Variants in EHD2 observed in about 807,000 individuals in gnomAD.
EHD2 encodes the protein EH domain-containing protein 2.
EHD2 carries 27 observed loss-of-function variants against 41.0 expected under a neutral mutation model. That is an observed-to-expected ratio of 0.66 (90% CI 0.49 to 0.91). The LOEUF is 0.91. EHD2 is among the 40% of genes least tolerant of loss of function. EHD2 has a pLI of 0.00. For missense variants in EHD2, 673 were observed against 773.9 expected (o/e 0.87, Z 1.55); for synonymous variants, 342 against 341.0 (o/e 1.00, Z -0.03).
chr19:47,731,288 A>ATATATGTATATATATATATATATATACC (rs985915844), intron 4 of EHD2: 1 of 92,342 alleles, frequency 1.1e-5, no homozygotes, highest in Non-Finnish European at 2.6e-5. Context: ...AAATATATAT[A>ATATATGTATATATATATATATATATACC]TATATATATA....
rs1204449268 is a variant in EHD2, at chr19:47,719,683, G to A, written c.502+1077G>A. On this transcript the variant is annotated intron_variant, in intron 3 of 5. Coordinates refer to ENST00000263277, the MANE Select transcript of EHD2 (RefSeq NM_014601.4). The surrounding 1 kb of genome is among the most constrained non-coding windows in gnomAD (Gnocchi z 4.1). ...ACCATGTCTCTGGCTGCCGTCCAGA[G>A]GCCCCACGGGAGAAAGGCAGGAGGC... 6.6e-6 allele frequency among the ~76,000 whole-genome samples: 1 copy of A among 152,164 alleles called. No homozygotes were observed. Among genetic ancestry groups the A allele is most frequent in the Non-Finnish European group, 1.5e-5 (1 of 68,004 alleles).
intron 2 of EHD2, among the ~76,000 whole-genome samples, chr19:47,718,286 A>AC (rs1274833039): frequency 6.6e-6 from 1 of 151,512 alleles, no homozygotes; most frequent in African/African-American, 2.4e-5. Context: ...AAAAAAAAAA[A>AC]AAAAAAAGAA....
At chr19:47,726,682 C>T (rs1973757003) in intron 4 of EHD2, among the ~76,000 whole-genome samples, 1 of 151,746 alleles carries the variant, frequency 6.6e-6, no homozygotes, top group African/African-American at 2.4e-5. Context: ...CCCTCTTCTT[C>T]CTTCTTTTTT....
chr19:47,716,068 C>CTTT lies in EHD2; in HGVS notation c.-55-471_-55-469dup, dbSNP rs60295874. On this transcript the variant is annotated intron_variant, in intron 1 of 5. Transcript: ENST00000263277. ...ACAGGCATGAGCCACTGTGCCTGGC[C>CTTT]TTTTTTTTTTTTTTTTTTTTTGAGA... Among the ~76,000 whole-genome samples, 21 of 100,020 alleles carry CTTT rather than the reference C, an allele frequency of 2.1e-4. 1 individual carries two copies. Among genetic ancestry groups the CTTT allele is most frequent in the Non-Finnish European group, 2.5e-4 (13 of 51,920 alleles). The allele number at this position is 100,020 out of a possible 152,430, so 65.6% of individuals were successfully genotyped here.
At chr19:47,735,413 C>T (rs1013939938) in intron 4 of EHD2, among the ~76,000 whole-genome samples, 4 of 152,120 alleles carry the variant, frequency 2.6e-5, no homozygotes, top group Admixed American at 6.5e-5. Context: ...GTGGCACCTC[C>T]GCCTGCAGCA....
chr19:47,721,481 T>A (rs1003778235), intron 3 of EHD2, among the ~76,000 whole-genome samples: 1 of 151,732 alleles, frequency 6.6e-6, no homozygotes, highest in Non-Finnish European at 1.5e-5. Context: ...GCCCGGCTAA[T>A]TTTTTTGTAT....
At chr19:47,718,377 T>C in intron 2 of EHD2, 132 bp from the exon 3 acceptor site, 1 of 715,074 alleles carries the variant, frequency 1.4e-6, no homozygotes, top group East Asian at 2.9e-5. Flanking sequence ...GTTGCCCTTT[T>C]TCTGTCCGGT....
intron 4 of EHD2, among the ~76,000 whole-genome samples, chr19:47,727,191 G>A (rs1470501918): frequency 1.3e-5 from 2 of 151,744 alleles, no homozygotes; most frequent in Non-Finnish European, 2.9e-5. Context: ...CACAACCTCC[G>A]CCTCCTGAAT....
Position 47,716,713 on chromosome 19 carries a change from T to A in EHD2, c.101T>A (p.Leu34Gln). 6.2e-7 allele frequency: 1 copy of A among 1,613,032 alleles called. No individual in the cohort carries two copies. Among genetic ancestry groups the A allele is most frequent in the African/African-American group, 1.3e-5 (1 of 75,034 alleles). ...AAGGAGCTGTACCGCACGAAGCTGC[T>A]GCCGCTGGAGGAGCACTACCGCTTT... ...ALKELYRTKL[L>Q]PLEEHYRFGA... Residue 34 changes from leucine (L) to glutamine (Q), a missense_variant, in exon 2 of 6, where the codon CTG (leucine) becomes CAG (glutamine). Leu to Gln is a moderately radical substitution (Grantham distance 113). Transcript: ENST00000263277.
chr19:47,716,121 G>A (rs1476723169), intron 1 of EHD2, among the ~76,000 whole-genome samples: 1 of 144,450 alleles, frequency 6.9e-6, no homozygotes, highest in Admixed American at 7.1e-5. Context: ...GCCCAGGCTG[G>A]AGTGCAGCGG....
At chr19:47,740,663 T>C (rs192335492) in intron 5 of EHD2, among the ~76,000 whole-genome samples, 1,724 of 152,206 alleles carry the variant, frequency 0.011, 11 homozygotes, top group Non-Finnish European at 0.019. Context: ...GGAGAATCGC[T>C]TGAAACCGGA....
Position 47,741,151 on chromosome 19 carries a change from T to C in EHD2, c.1351T>C (p.Ser451Pro). Reference sequence around the variant, plus strand: ...CGAGTGGGTGGTGACCAAGGACAAGTCCAAATACGACGAGATCTTCTACAA... The same window carrying C: ...CGAGTGGGTGGTGACCAAGGACAAGCCCAAATACGACGAGATCTTCTACAA... ...EAEWVVTKDK[S>P]KYDEIFYNLA... is the part of the protein sequence containing the mutation. The change falls in exon 6 of 6, where the codon TCC becomes CCC. Residue 451 changes from serine to proline, a missense_variant. Physicochemically the swap from Ser to Pro is moderately conservative, Grantham distance 74. Coordinates refer to ENST00000263277, the MANE Select transcript of EHD2 (RefSeq NM_014601.4). This position sits in a 1 kb window ranked among gnomAD's most constrained non-coding sequence, Gnocchi z 4.5. 2 of 1,612,562 alleles carry C rather than the reference T, an allele frequency of 1.2e-6. No homozygotes were observed. Among genetic ancestry groups the C allele is most frequent in the Non-Finnish European group, 1.7e-6 (2 of 1,179,950 alleles).
rs1393116541 is a variant in EHD2 at position 47,725,941 on chromosome 19, A to G, written c.632A>G (p.Glu211Gly). 2.5e-6 allele frequency: 4 copies of G among 1,613,952 alleles called. No homozygotes were observed. In the South Asian group the frequency reaches 4.4e-5, roughly 18 times the overall value. Residue 211 changes from glutamate to glycine, a missense_variant, in exon 4 of 6, where the codon GAG (glutamate) becomes GGG (glycine). Coordinates refer to ENST00000263277, the MANE Select transcript of EHD2 (RefSeq NM_014601.4). ...GCCATCGGCGCGTTGCGGGGCCATG[A>G]GGACAAGATCCGCGTGGTGCTCAAC... The part of the protein sequence containing the change: ...SEAIGALRGH[E>G]DKIRVVLNKA...
At chr19:47,723,613 G>C (rs566004173) in intron 3 of EHD2, among the ~76,000 whole-genome samples, 122 of 131,044 alleles carry the variant, frequency 9.3e-4, no homozygotes, top group African/African-American at 3.5e-3. Context: ...CTGAGATCGC[G>C]CCACTGCACT....
Position 47,741,523 on chromosome 19 carries a change from C to T in EHD2, c.*91C>T, listed in dbSNP as rs1315751398. 43 of 1,390,364 alleles carry T rather than the reference C, an allele frequency of 3.1e-5. 2 individuals carry two copies. In the South Asian group the frequency reaches 5.2e-4, roughly 17 times the overall value. The allele number at this position is 1,390,364 out of a possible 1,614,324, so 86.1% of individuals were successfully genotyped here. A position where few individuals can be genotyped will look rare whatever the true frequency, so the allele number is the denominator to read the frequency against. ...CTCCGGCTCACACACGCCCTGCCTG[C>T]CCTCCCTGCCCAGCTGTAAGGACCG... On this transcript the variant is annotated 3_prime_UTR_variant, in exon 6 of 6. Transcript: ENST00000263277. The surrounding 1 kb of genome is among the most constrained non-coding windows in gnomAD (Gnocchi z 4.5).
At chr19:47,738,897 A>G (rs998394435) in intron 5 of EHD2, among the ~76,000 whole-genome samples, 5 of 152,046 alleles carry the variant, frequency 3.3e-5, no homozygotes, top group African/African-American at 1.2e-4. Context: ...CCCGTGTGAG[A>G]AGCAGTGTGA....
intron 3 of EHD2, among the ~76,000 whole-genome samples, chr19:47,724,368 T>G (rs1379779718): frequency 6.6e-6 from 1 of 152,124 alleles, no homozygotes; most frequent in Non-Finnish European, 1.5e-5. Context: ...TTCACAACAG[T>G]CCTATGATTT....
rs1249910484 is a variant in EHD2, at chr19:47,741,202, A to G, written c.1402A>G (p.Ser468Gly). 6.2e-7 allele frequency: 1 copy of G among 1,613,872 alleles called. No homozygotes were observed. ...CCTGGCGCCTGCCGACGGCAAGCTG[A>G]GCGGCTCCAAGGCCAAGACCTGGAT... is the stretch of plus-strand genomic sequence containing the variant. ...YNLAPADGKL[S>G]GSKAKTWMVG... The change falls in exon 6 of 6, where the codon AGC (serine) becomes GGC (glycine). Residue 468 changes from serine (S) to glycine (G), a missense_variant. Transcript: ENST00000263277. This position sits in a 1 kb window ranked among gnomAD's most constrained non-coding sequence, Gnocchi z 4.5.
intron 3 of EHD2, among the ~76,000 whole-genome samples, chr19:47,720,908 G>A (rs1422279250): frequency 6.6e-6 from 1 of 152,012 alleles, no homozygotes; most frequent in African/African-American, 2.4e-5. Flanking sequence ...ACGTCTGTGT[G>A]TGTGCCTTTG....
Sources: gnomAD v4.1 joint callset for allele counts (sites outside exome capture counted in the v4.1 genomes callset) on GRCh38, gnomAD v4.1.1 for gene constraint, Gnocchi (gnomAD v3.1) non-coding constraint, MANE v1.5 for transcripts, NCBI Gene and HGNC (gene_info 2026-07-23, HGNC 2026-07-21) for gene names.